GPHN: variants seen among roughly 807,000 people sequenced by gnomAD.
GPHN encodes the protein gephyrin.
In GPHN, 17 loss-of-function variants were observed where a neutral mutation model predicts 95.5. The ratio of observed to expected loss-of-function variants is 0.18; its 90% CI spans 0.12 to 0.27. The LOEUF is 0.27. Ranked by LOEUF, GPHN falls within the 10% of genes least tolerant of loss-of-function variation. GPHN has a pLI of 1.00. For synonymous variants in GPHN, 320 were observed against 322.5 expected, an observed-to-expected ratio of 0.99 and a Z score of 0.08; for missense variants, 660 against 978.1, an observed-to-expected ratio of 0.67 and a Z score of 4.34.
chr14:67,386,250 A>G, the GPHN span: 1 of 152,678 alleles, frequency 6.5e-6, no homozygotes, highest in East Asian at 1.9e-4. Flanking sequence ...CTTACCATAT[A>G]AGGAATAAGT....
the GPHN span, among the ~76,000 whole-genome samples, chr14:67,656,009 G>A: frequency 6.6e-6 from 1 of 152,162 alleles, no homozygotes; most frequent in Non-Finnish European, 1.5e-5. Flanking sequence ...ACTTTGGGAG[G>A]CCGGAGCAGG....
intron 2 of GPHN, among the ~76,000 whole-genome samples, chr14:66,732,627 C>A (rs1431628048): frequency 2.0e-5 from 3 of 152,224 alleles, no homozygotes; most frequent in African/African-American, 7.2e-5. Context: ...AGCGATTCTT[C>A]TGCCTCAGCC....
chr14:67,110,496 A>G (rs542675895), intron 14 of GPHN, among the ~76,000 whole-genome samples: 1 of 152,316 alleles, frequency 6.6e-6, no homozygotes, highest in South Asian at 2.1e-4. Flanking sequence ...CTGTTATAGC[A>G]GAATTTGAAT....
chr14:66,938,150 T>C (rs1230008979), intron 8 of GPHN, among the ~76,000 whole-genome samples: 3 of 152,206 alleles, frequency 2.0e-5, no homozygotes, highest in African/African-American at 7.2e-5. Context: ...ACAATCAGTT[T>C]GTACAATTAT....
the GPHN span, among the ~76,000 whole-genome samples, chr14:67,679,604 A>G: frequency 6.6e-6 from 1 of 152,104 alleles, no homozygotes. Context: ...GGGTTTTGCC[A>G]TGTTGGCCAG....
the GPHN span, chr14:67,317,290 T>G: frequency 1.5e-5 from 13 of 865,166 alleles, no homozygotes; most frequent in Non-Finnish European, 2.1e-5. Context: ...TATGGAGATC[T>G]CGTTTCTGCA....
chr14:66,616,637 G>A (rs2063050095), intron 1 of GPHN, among the ~76,000 whole-genome samples: 1 of 152,108 alleles, frequency 6.6e-6, no homozygotes, highest in African/African-American at 2.4e-5. Flanking sequence ...TATGCCAGTA[G>A]GATTGCTCCT....
At chr14:67,367,113 T>C in the GPHN span, among the ~76,000 whole-genome samples, 2 of 152,284 alleles carry the variant, frequency 1.3e-5, no homozygotes, top group South Asian at 4.1e-4. Context: ...AAACACAGGG[T>C]GGACTCCAGG....
At chr14:67,010,553 GA>G (rs529841338) in intron 9 of GPHN, among the ~76,000 whole-genome samples, 1,093 of 47,982 alleles carry the variant, frequency 0.023, 4 homozygotes, top group African/African-American at 0.07. Context: ...CTCTGTCTCA[GA>G]AAAAAAAAAA....
the GPHN span, among the ~76,000 whole-genome samples, chr14:67,533,145 G>C: frequency 6.6e-6 from 1 of 152,154 alleles, no homozygotes; most frequent in Non-Finnish European, 1.5e-5. Context: ...GGGGAGCCGA[G>C]GGGAGGAGGG....
chr14:66,937,872 A>C (rs116006659), intron 8 of GPHN, among the ~76,000 whole-genome samples: 1 of 152,194 alleles, frequency 6.6e-6, no homozygotes, highest in Non-Finnish European at 1.5e-5. Flanking sequence ...TTAGTAAACT[A>C]TGCCCAAGAA....
chr14:67,608,782 T>G, the GPHN span, among the ~76,000 whole-genome samples: 1 of 152,238 alleles, frequency 6.6e-6, no homozygotes, highest in Non-Finnish European at 1.5e-5. Context: ...CATATTCTTG[T>G]TGTGTCCTCA....
chr14:67,567,431 C>T, the GPHN span, among the ~76,000 whole-genome samples: 1 of 152,218 alleles, frequency 6.6e-6, no homozygotes, highest in Admixed American at 6.5e-5. Flanking sequence ...ACTTCAGTTT[C>T]ATTTCCTCTG....
In GPHN at chr14:66,976,083, T is replaced by G. The variant is rs1306609707; in HGVS notation, c.963+10758T>G. On this transcript the variant is annotated intron_variant, in intron 9 of 22. Coordinates refer to ENST00000478722, the MANE Select transcript of GPHN (RefSeq NM_020806.5). ...CAATTAATACAGAATAATTTACATG[T>G]GTTTATCTTTTGCATTCTGTTCTAG... Among the ~76,000 whole-genome samples the G allele has an allele frequency of 3.9e-5, 6 of 152,206 alleles. No homozygotes were observed. The East Asian group carries it at 1.2e-3, about 29-fold the overall frequency.
chr14:66,864,720 C>T (rs570521083), intron 4 of GPHN, among the ~76,000 whole-genome samples: 1 of 152,114 alleles, frequency 6.6e-6, no homozygotes, highest in East Asian at 1.9e-4. Flanking sequence ...TTGCAGTGAG[C>T]CGAGACTGTG....
chr14:67,196,857 A>G, the GPHN span: 2 of 152,206 alleles, frequency 1.3e-5, no homozygotes, highest in Non-Finnish European at 2.9e-5. Flanking sequence ...ACTCTTTCTG[A>G]GGCCTTGACC....
intron 13 of GPHN, among the ~76,000 whole-genome samples, chr14:67,101,896 T>G (rs2077719690): frequency 6.8e-6 from 1 of 146,752 alleles, no homozygotes; most frequent in Non-Finnish European, 1.5e-5. Context: ...TTTTGAAACG[T>G]AGTCTTGCTC....
At chr14:67,442,117 C>T in the GPHN span, among the ~76,000 whole-genome samples, 1 of 151,934 alleles carries the variant, frequency 6.6e-6, no homozygotes, top group African/African-American at 2.4e-5. Flanking sequence ...TGTCTTTATG[C>T]CAATGTAGTC....
intron 3 of GPHN, among the ~76,000 whole-genome samples, chr14:66,819,667 T>C (rs1259453346): frequency 1.3e-5 from 2 of 152,100 alleles, no homozygotes; most frequent in Admixed American, 6.6e-5. Context: ...ACGTTGGCTA[T>C]TGAAATCCCT....
Sources: gnomAD v4.1 joint callset for allele counts (sites outside exome capture counted in the v4.1 genomes callset) on GRCh38, gnomAD v4.1.1 for gene constraint, MANE v1.5 for transcripts, NCBI Gene and HGNC (gene_info 2026-07-23, HGNC 2026-07-21) for gene names.